Variants in DLG2 observed in about 807,000 individuals in gnomAD.
The protein encoded by DLG2 is disks large homolog 2.
In DLG2, 45 loss-of-function variants were observed where a neutral mutation model predicts 132.5. The ratio of observed to expected loss-of-function variants is 0.34; its 90% CI spans 0.27 to 0.44. The LOEUF (loss-of-function observed/expected upper bound fraction) is 0.44. DLG2 is among the 20% of genes least tolerant of loss of function. DLG2 has a pLI of 1.00. For synonymous variants in DLG2, 424 were observed against 419.6 expected (o/e 1.01, Z -0.13); for missense variants, 1,045 against 1,196.9 (o/e 0.87, Z 1.87).
At chr11:84,896,718 T>C (rs542764736) in intron 6 of DLG2, among the ~76,000 whole-genome samples, 2 of 152,124 alleles carry the variant, frequency 1.3e-5, no homozygotes, top group African/African-American at 2.4e-5. Flanking sequence ...GAGTACAATA[T>C]AGTAAGACAT....
intron 16 of DLG2, among the ~76,000 whole-genome samples, chr11:83,852,469 T>C (rs951470742): frequency 6.6e-6 from 1 of 152,210 alleles, no homozygotes; most frequent in Non-Finnish European, 1.5e-5. Flanking sequence ...GAAGTTTTCA[T>C]GTAGTTAAGA....
At chr11:84,789,900 T>C (rs760975373) in intron 6 of DLG2, among the ~76,000 whole-genome samples, 10 of 152,216 alleles carry the variant, frequency 6.6e-5, no homozygotes, top group Non-Finnish European at 1.5e-4. Flanking sequence ...TCCATGTTAT[T>C]TGAAGTGTCA....
At chr11:83,713,313 G>C (rs757403396) in intron 18 of DLG2, among the ~76,000 whole-genome samples, 6 of 152,146 alleles carry the variant, frequency 3.9e-5, no homozygotes, top group Non-Finnish European at 8.8e-5. Flanking sequence ...GCTTTAACTT[G>C]GAGTAGTCAA....
At chr11:84,790,733 C>G (rs1316338868) in intron 6 of DLG2, among the ~76,000 whole-genome samples, 1 of 152,166 alleles carries the variant, frequency 6.6e-6, no homozygotes, top group African/African-American at 2.4e-5. Flanking sequence ...TAGATTTAAG[C>G]CTCTAATCCA....
intron 6 of DLG2, among the ~76,000 whole-genome samples, chr11:84,929,726 G>A (rs1157261514): frequency 6.6e-6 from 1 of 152,078 alleles, no homozygotes; most frequent in Non-Finnish European, 1.5e-5. Context: ...GAGATGCTTT[G>A]TGTTAAATAC....
At chr11:84,592,933 TAAAAAAAAAAAA>T (rs61017970) in intron 6 of DLG2, among the ~76,000 whole-genome samples, 13 of 18,198 alleles carry the variant, frequency 7.1e-4, no homozygotes, top group East Asian at 4.9e-3. Context: ...CTGTCTCTAC[TAAAAAAAAAAAA>T]AAAAAAAAAA....
chr11:84,930,665 A>G (rs764546332), intron 6 of DLG2, among the ~76,000 whole-genome samples: 4 of 152,158 alleles, frequency 2.6e-5, no homozygotes, highest in Non-Finnish European at 5.9e-5. Flanking sequence ...CCGCAAAATA[A>G]AAGAAAAATC....
At chr11:84,993,528 C>T (rs1168592477) in intron 6 of DLG2, among the ~76,000 whole-genome samples, 3 of 152,158 alleles carry the variant, frequency 2.0e-5, no homozygotes, top group African/African-American at 7.2e-5. Context: ...GGAAGTTTAT[C>T]TTACTAACCT....
chr11:83,702,936 G>A (rs1421091354), intron 18 of DLG2, among the ~76,000 whole-genome samples: 1 of 152,208 alleles, frequency 6.6e-6, no homozygotes, highest in Non-Finnish European at 1.5e-5. Context: ...TGATGGTAAG[G>A]AATTGCAGTT....
At chr11:83,904,885 T>C (rs1280553663) in intron 15 of DLG2, among the ~76,000 whole-genome samples, 3 of 152,144 alleles carry the variant, frequency 2.0e-5, no homozygotes, top group Admixed American at 6.6e-5. Flanking sequence ...TGGCTACAGC[T>C]ATTATTATAA....
At chr11:85,087,577 G>C (rs1469403434) in intron 6 of DLG2, among the ~76,000 whole-genome samples, 2 of 152,118 alleles carry the variant, frequency 1.3e-5, no homozygotes, top group Non-Finnish European at 2.9e-5. Flanking sequence ...GGTGGCTCAC[G>C]CCTGTAATCC....
intron 3 of DLG2, among the ~76,000 whole-genome samples, chr11:85,519,175 G>C (rs2094228893): frequency 1.3e-5 from 2 of 152,134 alleles, no homozygotes; most frequent in African/African-American, 4.8e-5. Context: ...ACTGTTAGAA[G>C]AGGACCACCA....
At chr11:84,049,129 T>C (rs908724808) in intron 11 of DLG2, among the ~76,000 whole-genome samples, 1 of 150,874 alleles carries the variant, frequency 6.6e-6, no homozygotes, top group African/African-American at 2.4e-5. Context: ...CAGGAGCAGA[T>C]GGAGGAGTAA....
chr11:85,247,421 C>T (rs2076191476), intron 4 of DLG2, among the ~76,000 whole-genome samples: 1 of 151,986 alleles, frequency 6.6e-6, no homozygotes, highest in African/African-American at 2.4e-5. Context: ...GTCATCTTCT[C>T]AGTGAGTCCT....
chr11:83,466,971 G>A (rs146341863), intron 25 of DLG2, among the ~76,000 whole-genome samples, 154 bp from the exon 26 acceptor site: 18 of 152,246 alleles, frequency 1.2e-4, no homozygotes, highest in African/African-American at 3.8e-4. Context: ...AATAAAAATC[G>A]ATATATAGGG....
At chr11:85,278,693 T>C (rs2078046363) in intron 4 of DLG2, among the ~76,000 whole-genome samples, 1 of 152,182 alleles carries the variant, frequency 6.6e-6, no homozygotes, top group Non-Finnish European at 1.5e-5. Flanking sequence ...TTTCTCCACC[T>C]GCAAGACCTT....
chr11:84,993,581 G>T (rs544884507), intron 6 of DLG2, among the ~76,000 whole-genome samples: 22 of 152,116 alleles, frequency 1.4e-4, no homozygotes, highest in Non-Finnish European at 2.8e-4. Context: ...TCCTACCGTG[G>T]GTACTTTACT....
intron 6 of DLG2, among the ~76,000 whole-genome samples, chr11:84,985,047 CTACT>C (rs1371110861): frequency 1.3e-5 from 2 of 152,088 alleles, no homozygotes; most frequent in Non-Finnish European, 2.9e-5. Context: ...GAGGACTTTA[CTACT>C]ACACCACTAG....
intron 3 of DLG2, among the ~76,000 whole-genome samples, chr11:85,596,828 C>T (rs200438060): frequency 2.6e-5 from 4 of 152,264 alleles, no homozygotes; most frequent in East Asian, 1.9e-4. Context: ...ACAGTAAGAC[C>T]GCCCAAACAT....
Sources: allele counts gnomAD v4.1 joint callset (sites outside exome capture counted in the v4.1 genomes callset), GRCh38; gene constraint gnomAD v4.1.1; transcripts MANE v1.5; gene names NCBI Gene and HGNC (gene_info 2026-07-23, HGNC 2026-07-21).